Variants in SMURF2 observed in about 807,000 individuals in gnomAD.
SMURF2 encodes E3 ubiquitin-protein ligase SMURF2.
Under a neutral mutation model 109.6 loss-of-function variants are expected in SMURF2, and 48 were observed. The ratio of observed to expected loss-of-function variants is 0.44; its 90% CI spans 0.35 to 0.56. The LOEUF is 0.56. SMURF2 is among the 20% of genes least tolerant of loss of function. The pLI, the probability that SMURF2 is intolerant of heterozygous loss-of-function variation, is 0.01. For missense variants in SMURF2, 575 were observed against 909.0 expected, an observed-to-expected ratio of 0.63 and a Z score of 4.72; for synonymous variants, 288 against 317.1, an observed-to-expected ratio of 0.91 and a Z score of 0.97.
Position 64,593,510 on chromosome 17 carries a change from T to C in SMURF2, c.264A>G (p.Lys88=), listed in dbSNP as rs1969776975. ...SVWNHKKIHK[K]QGAGFLGCVR... is the part of the protein sequence containing the mutation. ...CACAACCGAGAAATCCAGCACCTTG[T>C]TTCTTATGGATCTTCTTGTGATTCC... is the stretch of plus-strand genomic sequence containing the variant. The change falls in exon 4 of 19, where the codon AAA becomes AAG. Residue 88 remains lysine (K), a synonymous_variant. Coordinates refer to ENST00000262435, the MANE Select transcript of SMURF2 (RefSeq NM_022739.4). The C allele has an allele frequency of 2.5e-6, 4 of 1,608,330 alleles. No homozygotes were observed. The highest frequency in any genetic ancestry group is 3.4e-6 in the Non-Finnish European group (4 of 1,176,758).
At chr17:64,656,526 C>T (rs1970707833) in intron 1 of SMURF2, among the ~76,000 whole-genome samples, 1 of 152,152 alleles carries the variant, frequency 6.6e-6, no homozygotes, top group Non-Finnish European at 1.5e-5. Context: ...AAAGGGACAT[C>T]TTTATTTACT....
chr17:64,621,903 A>AAATAATAAT lies in SMURF2; in HGVS notation c.53-15272_53-15264dup, dbSNP rs201565708. 9.3e-4 allele frequency among the ~76,000 whole-genome samples: 132 copies of AAATAATAAT among 141,824 alleles called. 1 individual carries two copies. Among genetic ancestry groups the AAATAATAAT allele is most frequent in the Admixed American group, 3.5e-3 (48 of 13,698 alleles). 93.0% of individuals were successfully genotyped at this position (141,824 alleles called of 152,430 possible). A position where few individuals can be genotyped will look rare whatever the true frequency, so the allele number is the denominator to read the frequency against. ...AAAATAAATAAATAAATAAATAAAT[A>AAATAATAAT]AATAATAATAATAATAATAATAAAA... On this transcript the variant is annotated intron_variant, in intron 1 of 18. Coordinates refer to ENST00000262435, the MANE Select transcript of SMURF2 (RefSeq NM_022739.4).
At chr17:64,546,189 AT>A in intron 18 of SMURF2, 73 bp downstream of exon 18, 1 of 1,441,456 alleles carries the variant, frequency 6.9e-7, no homozygotes, top group Non-Finnish European at 9.7e-7. Flanking sequence ...AGTACAATAA[AT>A]AAAAAGTCAA....
rs781827893 is a variant in SMURF2, at chr17:64,545,819, T to G, written c.*29A>C. ...AGGCTGTCAGTCAGGGTTGTATAAA[T>G]AGAGTCCTGGGTAAATCCTTGAAGC... On this transcript the variant is annotated 3_prime_UTR_variant, in exon 19 of 19. Coordinates refer to ENST00000262435, the MANE Select transcript of SMURF2 (RefSeq NM_022739.4). 1.4e-5 allele frequency: 18 copies of G among 1,314,544 alleles called. No homozygotes were observed. The highest frequency in any genetic ancestry group is 2.9e-5 in the African/African-American group (2 of 68,704). 81.4% of individuals were successfully genotyped at this position (1,314,544 alleles called of 1,614,324 possible). A position where few individuals can be genotyped will look rare whatever the true frequency, so the allele number is the denominator to read the frequency against.
intron 5 of SMURF2, among the ~76,000 whole-genome samples, chr17:64,589,983 T>C (rs1460207509): frequency 5.3e-5 from 8 of 151,996 alleles, no homozygotes; most frequent in African/African-American, 1.9e-4. Flanking sequence ...GGCTTTGCTA[T>C]GTGGCTACTC....
intron 1 of SMURF2, among the ~76,000 whole-genome samples, chr17:64,650,167 A>C (rs1349262935): frequency 6.6e-6 from 1 of 150,710 alleles, no homozygotes; most frequent in African/African-American, 2.5e-5. Context: ...TTTCATGTAC[A>C]TTATTCCATC....
chr17:64,586,151 G>A lies in SMURF2; in HGVS notation c.420C>T (p.Asp140=), dbSNP rs782748799. The A allele has an allele frequency of 3.1e-6, 5 of 1,606,128 alleles. No homozygotes were observed. The South Asian group carries it at 4.5e-5, about 14-fold the overall frequency. ...GQIVVSLQSR[D]RIGTGGQVVD... ...CAACTTGTCCTCCTGTGCCTATTCG[G>A]TCTCTGGACTGAAGACTTACTATTA... is the stretch of plus-strand genomic sequence containing the variant. Residue 140 remains aspartate, a synonymous_variant, in exon 6 of 19, where the codon GAC becomes GAT. Transcript: ENST00000262435.
At chr17:64,558,571 C>A (rs1378638437) in intron 12 of SMURF2, among the ~76,000 whole-genome samples, 5 of 152,086 alleles carry the variant, frequency 3.3e-5, no homozygotes, top group African/African-American at 1.2e-4. Flanking sequence ...ACTGTATAAA[C>A]CCTGAAACAT....
chr17:64,582,985 A>G (rs1021412871), intron 7 of SMURF2, among the ~76,000 whole-genome samples: 1 of 151,434 alleles, frequency 6.6e-6, no homozygotes, highest in Non-Finnish European at 1.5e-5. Flanking sequence ...TGCAACCTCC[A>G]CCACCTATGT....
At chr17:64,555,693 G>T (rs113038749) in intron 14 of SMURF2, 127 bp downstream of exon 14, 13 of 558,756 alleles carry the variant, frequency 2.3e-5, no homozygotes, top group African/African-American at 1.3e-4. Context: ...GAAATCATAT[G>T]CGATCCTATC....
At chr17:64,551,219 CA>C (rs1361014529) in intron 16 of SMURF2, among the ~76,000 whole-genome samples, 6 of 151,930 alleles carry the variant, frequency 3.9e-5, no homozygotes, top group Non-Finnish European at 7.4e-5. Flanking sequence ...AAAAATTAGC[CA>C]GGGGTGCTGG....
intron 1 of SMURF2, among the ~76,000 whole-genome samples, chr17:64,658,433 C>T (rs1181408276): frequency 1.3e-5 from 2 of 152,086 alleles, no homozygotes; most frequent in African/African-American, 4.8e-5. Flanking sequence ...TTTTTAAAGC[C>T]TTGAATCGAT....
At chr17:64,598,969 C>T (rs1261579327) in intron 2 of SMURF2, among the ~76,000 whole-genome samples, 6 of 152,080 alleles carry the variant, frequency 3.9e-5, no homozygotes, top group Non-Finnish European at 7.4e-5. Flanking sequence ...CAGGAAAAAT[C>T]AGACTGAAAC....
intron 1 of SMURF2, among the ~76,000 whole-genome samples, chr17:64,653,946 G>C (rs1297825757): frequency 6.6e-6 from 1 of 152,126 alleles, no homozygotes; most frequent in Non-Finnish European, 1.5e-5. Context: ...GATCTCAAAA[G>C]CATTACGCTA....
At position 64,607,996 on chromosome 17, in the gene SMURF2, CATAAATAAATAA is replaced by C. The variant is rs55747507; in HGVS notation, c.53-1368_53-1357del. Among the ~76,000 whole-genome samples the C allele has an allele frequency of 7.1e-3, 967 of 135,694 alleles. 5 individuals are homozygous for C. The highest frequency in any genetic ancestry group is 0.019 in the Middle Eastern group (5 of 266). 89.0% of individuals were successfully genotyped at this position (135,694 alleles called of 152,430 possible). ...CCTGGGCGACAGAGCAAGACTCTGT[CATAAATAAATAA>C]ATAAATAAATAAATAAATAAATAAA... On this transcript the variant is annotated intron_variant, in intron 1 of 18. Transcript: ENST00000262435.
In SMURF2 at chr17:64,547,773, T is replaced by C; in HGVS notation, c.1898A>G (p.Asp633Gly). 6.2e-7 allele frequency: 1 copy of C among 1,614,226 alleles called. No individual in the cohort carries two copies. Among genetic ancestry groups the C allele is most frequent in the Non-Finnish European group, 8.5e-7 (1 of 1,180,032 alleles). Residue 633 changes from aspartate to glycine, a missense_variant, in exon 17 of 19, where the codon GAT becomes GGT. Coordinates refer to ENST00000262435, the MANE Select transcript of SMURF2 (RefSeq NM_022739.4). The surrounding 1 kb of genome is among the most constrained non-coding windows in gnomAD (Gnocchi z 4.2). ...ELIICGLGKI[D>G]VNDWKVNTRL... ...GGTGTTTACCTTCCAGTCATTAACA[T>C]CTATCTTTCCAAGTCCACAAATAAT... is the stretch of plus-strand genomic sequence containing the variant.
chr17:64,575,102 T>C (rs1214352967), intron 9 of SMURF2, among the ~76,000 whole-genome samples: 1 of 150,478 alleles, frequency 6.6e-6, no homozygotes, highest in East Asian at 1.9e-4. Flanking sequence ...TTTTTTTTCT[T>C]TTTTTAGTAA....
chr17:64,602,186 G>A lies in SMURF2; in HGVS notation c.92-3696C>T, dbSNP rs191133075. On this transcript the variant is annotated intron_variant, in intron 2 of 18. Coordinates refer to ENST00000262435, the MANE Select transcript of SMURF2 (RefSeq NM_022739.4). ...CTATGGGGACTGGGGGAAAGGGTGG[G>A]GGTAACAGGGGATAAAAGACTATAC... Among the ~76,000 whole-genome samples, 5 of 151,786 alleles carry A rather than the reference G, an allele frequency of 3.3e-5. No individual in the cohort carries two copies. In the East Asian group the frequency reaches 7.7e-4, roughly 23 times the overall value.
chr17:64,554,836 G>C lies in SMURF2; in HGVS notation c.1748+20C>G. The C allele has an allele frequency of 1.2e-6, 2 of 1,609,112 alleles. No individual in the cohort carries two copies. The highest frequency in any genetic ancestry group is 1.7e-6 in the Non-Finnish European group (2 of 1,177,506). ...AGAACATTTTAAAAAATTCAGCCTT[G>C]AGAACACAGGAGTGTTTACCTGACA... On this transcript the variant is annotated intron_variant, in intron 15 of 18. Transcript: ENST00000262435.
Sources: allele counts gnomAD v4.1 joint callset (sites outside exome capture counted in the v4.1 genomes callset), GRCh38; gene constraint gnomAD v4.1.1; non-coding constraint Gnocchi (gnomAD v3.1); transcripts MANE v1.5; gene names NCBI Gene and HGNC (gene_info 2026-07-23, HGNC 2026-07-21).